Variants in ZNF723 observed in about 807,000 individuals in gnomAD.
ZNF723 encodes the protein zinc finger protein 723, pseudogene.
ZNF723 carries 5 observed loss-of-function variants against 9.4 expected under a neutral mutation model. That is an observed-to-expected ratio of 0.53 (90% CI 0.28 to 1.12). The LOEUF (loss-of-function observed/expected upper bound fraction) is 1.12. Among genes scored for constraint, ZNF723 ranks in the 50% most tolerant of loss-of-function variants. ZNF723 has a pLI of 0.10. For synonymous variants in ZNF723, 158 were observed against 168.8 expected (o/e 0.94, Z 0.49); for missense variants, 450 against 501.5 (o/e 0.90, Z 0.98).
the ZNF723 span, among the ~76,000 whole-genome samples, chr19:22,820,270 G>A: frequency 6.6e-6 from 1 of 152,044 alleles, no homozygotes; most frequent in Admixed American, 6.6e-5. Flanking sequence ...ATACTCATGG[G>A]CCCCCAAACC....
At chr19:22,817,856 G>A in the ZNF723 span, among the ~76,000 whole-genome samples, 1 of 151,954 alleles carries the variant, frequency 6.6e-6, no homozygotes, top group Non-Finnish European at 1.5e-5. Flanking sequence ...CCTTTGGGTG[G>A]CATACAGTGT....
the ZNF723 span, among the ~76,000 whole-genome samples, chr19:22,826,744 T>C: frequency 5.9e-5 from 9 of 152,208 alleles, no homozygotes; most frequent in Non-Finnish European, 1.3e-4. Context: ...AAGGGTTCAT[T>C]CACAGTTTTC....
chr19:22,829,740 T>C (rs1341643565), upstream of ZNF723, among the ~76,000 whole-genome samples: 3 of 152,230 alleles, frequency 2.0e-5, no homozygotes, highest in African/African-American at 7.2e-5. Flanking sequence ...TAGGTTTTTT[T>C]TCATACTAAA....
chr19:22,841,268 A>G (rs1469728183), intron 1 of ZNF723, among the ~76,000 whole-genome samples: 5 of 152,326 alleles, frequency 3.3e-5, no homozygotes, highest in Non-Finnish European at 7.4e-5. Context: ...ATTGAATATA[A>G]CCAATAAGCT....
chr19:22,849,140 G>A (rs368764264), intron 2 of ZNF723, 58 bp from the exon 3 acceptor site: 1 of 503,040 alleles, frequency 2.0e-6, no homozygotes. Context: ...TCTCTTTACT[G>A]AGCACATTAT....
At chr19:22,830,121 C>CTTAT (rs536380587), upstream of ZNF723, among the ~76,000 whole-genome samples, 17 of 151,684 alleles carry the variant, frequency 1.1e-4, no homozygotes, top group Non-Finnish European at 2.1e-4. Context: ...ACTTTTTAAG[C>CTTAT]TTATCTCTCA....
At chr19:22,849,994 A>T (rs1262059493) in intron 3 of ZNF723, among the ~76,000 whole-genome samples, 1 of 151,918 alleles carries the variant, frequency 6.6e-6, no homozygotes, top group African/African-American at 2.4e-5. Flanking sequence ...ATGTGAGAGT[A>T]GTGGTTTCTG....
upstream of ZNF723, among the ~76,000 whole-genome samples, chr19:22,829,289 CT>C (rs138454881): frequency 0.056 from 8,032 of 142,348 alleles, 688 homozygotes; most frequent in African/African-American, 0.19. Flanking sequence ...CGTAAGTACT[CT>C]TTTTTTTTTT....
chr19:22,812,583 A>G, the ZNF723 span, among the ~76,000 whole-genome samples: 1 of 152,138 alleles, frequency 6.6e-6, no homozygotes, highest in African/African-American at 2.4e-5. Flanking sequence ...TGTAACTCTC[A>G]CTAATACTGC....
chr19:22,827,594 C>T (rs547064046), upstream of ZNF723, among the ~76,000 whole-genome samples: 20 of 151,986 alleles, frequency 1.3e-4, no homozygotes, highest in African/African-American at 3.4e-4. Flanking sequence ...ATTATAGGTA[C>T]GCATTACTGC....
At chr19:22,843,942 C>T (rs747744662) in intron 1 of ZNF723, among the ~76,000 whole-genome samples, 11 of 152,106 alleles carry the variant, frequency 7.2e-5, no homozygotes, top group Admixed American at 6.6e-4. Flanking sequence ...ACTGGAAATA[C>T]GCCAGTGGCA....
Position 22,848,397 on chromosome 19 carries a change from A to C in ZNF723, c.130+10A>C. 7.3e-7 allele frequency: 1 copy of C among 1,369,240 alleles called. No homozygotes were observed. The highest frequency in any genetic ancestry group is 2.4e-5 in the East Asian group (1 of 42,250). 84.8% of individuals were successfully genotyped at this position (1,369,240 alleles called of 1,614,324 possible). On this transcript the variant is annotated intron_variant, in intron 2 of 3. Transcript: ENST00000600766. Reference sequence around the variant, plus strand: ...AACCTGGTCTTCCTGGGTGAGAATAACTTCAATACACAATCCTCAGATACT... The same window carrying C: ...AACCTGGTCTTCCTGGGTGAGAATACCTTCAATACACAATCCTCAGATACT...
chr19:22,818,532 A>G, the ZNF723 span, among the ~76,000 whole-genome samples: 1 of 152,198 alleles, frequency 6.6e-6, no homozygotes, highest in South Asian at 2.1e-4. Flanking sequence ...CCAGTCTACA[A>G]TTGAGATTGT....
At chr19:22,820,170 AC>A in the ZNF723 span, among the ~76,000 whole-genome samples, 1 of 152,166 alleles carries the variant, frequency 6.6e-6, no homozygotes, top group African/African-American at 2.4e-5. Context: ...TGCCATGCTC[AC>A]AGTGGACCTC....
At chr19:22,830,971 C>T (rs1487876608), upstream of ZNF723, among the ~76,000 whole-genome samples, 1 of 152,044 alleles carries the variant, frequency 6.6e-6, no homozygotes, top group African/African-American at 2.4e-5. Context: ...CCATGTTGGC[C>T]AGGCTGGTCT....
At chr19:22,848,934 T>C (rs1033322083) in intron 2 of ZNF723, among the ~76,000 whole-genome samples, 4 of 152,096 alleles carry the variant, frequency 2.6e-5, no homozygotes, top group Middle Eastern at 3.4e-3. Flanking sequence ...TTTGTATTTT[T>C]AGTAGAGATG....
At chr19:22,824,393 T>C in the ZNF723 span, among the ~76,000 whole-genome samples, 2 of 152,016 alleles carry the variant, frequency 1.3e-5, no homozygotes, top group African/African-American at 4.8e-5. Flanking sequence ...AGCATCCAAG[T>C]GATGTGACTC....
intron 3 of ZNF723, among the ~76,000 whole-genome samples, chr19:22,852,798 T>G (rs918198057): frequency 1.3e-5 from 2 of 152,180 alleles, no homozygotes; most frequent in Non-Finnish European, 2.9e-5. Flanking sequence ...CTTGACACAT[T>G]GAACAGCTAC....
intron 1 of ZNF723, among the ~76,000 whole-genome samples, chr19:22,844,884 G>A (rs1314501919): frequency 1.3e-5 from 2 of 152,248 alleles, no homozygotes; most frequent in South Asian, 2.1e-4. Flanking sequence ...TTGGGAGGCC[G>A]AGGCGGGTGG....
Sources: allele counts gnomAD v4.1 joint callset (sites outside exome capture counted in the v4.1 genomes callset), GRCh38; gene constraint gnomAD v4.1.1; transcripts MANE v1.5; gene names NCBI Gene and HGNC (gene_info 2026-07-23, HGNC 2026-07-21).